Variants in CCDC191 observed in about 807,000 individuals in gnomAD.
CCDC191 encodes the protein coiled-coil domain-containing protein 191.
Under a neutral mutation model 114.0 loss-of-function variants are expected in CCDC191, and 99 were observed. That is an observed-to-expected ratio of 0.87 (90% confidence interval 0.74 to 1.03). The LOEUF (loss-of-function observed/expected upper bound fraction) is 1.03, where lower values mean the gene tolerates loss of function less well. CCDC191 is among the 50% of genes least tolerant of loss of function. The pLI is 0.00. For missense variants in CCDC191, 973 were observed against 1,087.0 expected (o/e 0.90, Z 1.47); for synonymous variants, 351 against 376.0 (o/e 0.93, Z 0.77).
intron 16 of CCDC191, among the ~76,000 whole-genome samples, chr3:113,969,098 G>A (rs960123464): frequency 3.9e-5 from 6 of 152,088 alleles, no homozygotes; most frequent in African/African-American, 9.7e-5. Flanking sequence ...CAGCTCTTCC[G>A]TAACTAATAG....
chr3:114,033,447 AAT>A (rs1372027440), intron 6 of CCDC191, among the ~76,000 whole-genome samples: 9 of 152,208 alleles, frequency 5.9e-5, no homozygotes, highest in Non-Finnish European at 1.0e-4. Context: ...CTAAGGCTGT[AAT>A]TCCTAGGTCA....
chr3:113,966,656 A>G lies in CCDC191; in HGVS notation c.2607-1297T>C, dbSNP rs1207163572. Reference sequence around the variant, plus strand: ...CGAAGTGCAGAGTAGTTAAGCTTATATTTTCACAACTATAGGCAGAGATGG... The same window carrying G: ...CGAAGTGCAGAGTAGTTAAGCTTATGTTTTCACAACTATAGGCAGAGATGG... On this transcript the variant is annotated intron_variant, in intron 16 of 16. Transcript: ENST00000295878. Among the ~76,000 whole-genome samples, 3 of 152,104 alleles carry G rather than the reference A, an allele frequency of 2.0e-5. No individual in the cohort carries two copies. The East Asian group carries it at 5.8e-4, about 29-fold the overall frequency.
chr3:113,964,150 C>A lies in CCDC191; in HGVS notation c.*1005G>T, dbSNP rs1939884246. 2 of 152,122 alleles carry A rather than the reference C, an allele frequency of 1.3e-5. No individual in the cohort carries two copies. The highest frequency in any genetic ancestry group is 2.9e-5 in the Non-Finnish European group (2 of 68,034). 9.4% of individuals were successfully genotyped at this position (152,122 alleles called of 1,614,324 possible). On this transcript the variant is annotated 3_prime_UTR_variant, in exon 17 of 17. Coordinates refer to ENST00000295878, the MANE Select transcript of CCDC191 (RefSeq NM_020817.2). The stretch of plus-strand genomic sequence containing the variant: ...GTAACAAGAACATTCACTTAAAAAA[C>A]CACAGAATTTTATTTTGTCAACTCA...
At chr3:114,002,413 A>G (rs2075871632) in intron 12 of CCDC191, 43 bp downstream of exon 12, 3 of 1,404,138 alleles carry the variant, frequency 2.1e-6, no homozygotes, top group Non-Finnish European at 3.0e-6. Flanking sequence ...AGACCTGGAC[A>G]AATCCTTCTT....
chr3:114,010,939 C>G lies in CCDC191; in HGVS notation c.1246G>C (p.Glu416Gln). Reference sequence around the variant, plus strand: ...AGAGCCAGCTCTCTCTTCAGGAGCTCGGCGCCATGCCAATGCTGCCATTCT... The same window carrying G: ...AGAGCCAGCTCTCTCTTCAGGAGCTGGGCGCCATGCCAATGCTGCCATTCT... ...FTEWQHWHGA[E>Q]LLKRELALTK... Residue 416 changes from glutamate to glutamine, a missense_variant, in exon 9 of 17, where the codon GAG becomes CAG. Physicochemically the swap from Glu to Gln is conservative, Grantham distance 29 (BLOSUM62 2). Coordinates refer to ENST00000295878, the MANE Select transcript of CCDC191 (RefSeq NM_020817.2). 6.2e-7 allele frequency: 1 copy of G among 1,614,036 alleles called. No homozygotes were observed. The highest frequency in any genetic ancestry group is 8.5e-7 in the Non-Finnish European group (1 of 1,179,922).
At chr3:114,003,485 G>A in intron 11 of CCDC191, 1 of 985,376 alleles carries the variant, frequency 1.0e-6, no homozygotes, top group Non-Finnish European at 1.2e-6. Flanking sequence ...AATAGACTAG[G>A]GGATTAAAGT....
intron 13 of CCDC191, among the ~76,000 whole-genome samples, chr3:113,982,759 C>T (rs541795260): frequency 2.0e-5 from 3 of 151,560 alleles, no homozygotes; most frequent in African/African-American, 4.8e-5. Context: ...GTGATTTATA[C>T]TCTGCTCTTC....
At chr3:114,052,123 A>G (rs2076705709) in intron 2 of CCDC191, among the ~76,000 whole-genome samples, 1 of 152,210 alleles carries the variant, frequency 6.6e-6, no homozygotes. Flanking sequence ...AACATTAGAT[A>G]TGAAAAAGAA....
chr3:113,978,714 T>C (rs2075025718), intron 15 of CCDC191, 144 bp downstream of exon 15: 4 of 867,220 alleles, frequency 4.6e-6, no homozygotes, highest in Non-Finnish European at 7.2e-6. Context: ...ATTTTCACAT[T>C]TATTTCAAAG....
Position 114,031,744 on chromosome 3 carries a change from C to A in CCDC191, c.854G>T (p.Ser285Ile), listed in dbSNP as rs1248813305. 3 of 1,499,298 alleles carry A rather than the reference C, an allele frequency of 2.0e-6. No individual in the cohort carries two copies. Among genetic ancestry groups the A allele is most frequent in the Middle Eastern group, 1.7e-4 (1 of 5,744 alleles). 92.9% of individuals were successfully genotyped at this position (1,499,298 alleles called of 1,614,324 possible). The stretch of plus-strand genomic sequence containing the variant: ...ACTTTGAAACATGACTTTTTCTGAA[C>A]TATTTTGAGAATTCTCTTCTTGCCT... ...KKRQEENSQN[S>I]SEKVMFQSTH... The change falls in exon 7 of 17, where the codon AGT becomes ATT. Residue 285 changes from serine (S) to isoleucine (I), a missense_variant. Ser to Ile is a moderately radical substitution (Grantham distance 142). Transcript: ENST00000295878.
At chr3:113,989,356 T>C (rs973558496) in intron 13 of CCDC191, among the ~76,000 whole-genome samples, 1 of 152,172 alleles carries the variant, frequency 6.6e-6, no homozygotes, top group Admixed American at 6.5e-5. Flanking sequence ...TATAGTACTA[T>C]ACATATTCTT....
intron 3 of CCDC191, among the ~76,000 whole-genome samples, chr3:114,045,707 G>C (rs1285640215): frequency 1.3e-5 from 2 of 152,098 alleles, no homozygotes; most frequent in Non-Finnish European, 2.9e-5. Flanking sequence ...GGAAGCTCCA[G>C]CCACATGGGT....
Position 114,046,709 on chromosome 3 carries a change from A to C in CCDC191, c.153T>G (p.Phe51Leu). ...TAGTAAAAAATGCATTTGACACTGC[A>C]AACTCTGAGGCTTTCTCCACTCTCT... ...WIKRVEKASE[F>L]AVSNAFFTRN... Residue 51 changes from phenylalanine to leucine, a missense_variant, in exon 3 of 17, where the codon TTT (phenylalanine) becomes TTG (leucine). Physicochemically the swap from Phe to Leu is conservative, Grantham distance 22 (BLOSUM62 0). Coordinates refer to ENST00000295878, the MANE Select transcript of CCDC191 (RefSeq NM_020817.2). 6.2e-7 allele frequency: 1 copy of C among 1,612,832 alleles called. No homozygotes were observed. Among genetic ancestry groups the C allele is most frequent in the Non-Finnish European group, 8.5e-7 (1 of 1,179,154 alleles).
rs1331056624 is a variant in CCDC191, at chr3:114,010,875, A to C, written c.1310T>G (p.Leu437Arg). 8.7e-6 allele frequency: 14 copies of C among 1,614,014 alleles called. No individual in the cohort carries two copies. The highest frequency in any genetic ancestry group is 1.3e-5 in the African/African-American group (1 of 74,944). The change falls in exon 9 of 17, where the codon CTG becomes CGG. Residue 437 changes from leucine to arginine, a missense_variant. By Grantham distance (102) the Leu-to-Arg change is moderately radical (BLOSUM62 -2). Transcript: ENST00000295878. ...EETRKKMDAL[L>R]QAASLGKLSA... is the part of the protein sequence containing the mutation. ...GAGTTTCCCCAGTGATGCTGCCTGC[A>C]GCAGTGCATCCATCTTCTTCCTAGT...
At chr3:114,010,722 A>G in intron 9 of CCDC191, 50 bp downstream of exon 9, 2 of 1,544,612 alleles carry the variant, frequency 1.3e-6, no homozygotes, top group Non-Finnish European at 1.8e-6. Flanking sequence ...CCAGCTATAA[A>G]AGCACAAACC....
At chr3:113,966,549 C>T (rs959955108) in intron 16 of CCDC191, among the ~76,000 whole-genome samples, 1 of 152,032 alleles carries the variant, frequency 6.6e-6, no homozygotes, top group Non-Finnish European at 1.5e-5. Flanking sequence ...AAAGGCTTTC[C>T]TAGAGGAGAG....
In CCDC191 at chr3:114,005,699, C is replaced by T. The variant is rs1464299379; in HGVS notation, c.1677G>A (p.Gln559=). The stretch of plus-strand genomic sequence containing the variant: ...TCTTTTGCTTCTCAATCAGCTGTTG[C>T]TGGAAGACATGGCGGTTGTGGAAAT... ...LGHFHNRHVF[Q]QQLIEKQKKK... Residue 559 remains glutamine (Q), a synonymous_variant, in exon 10 of 17, where the codon CAG becomes CAA. Coordinates refer to ENST00000295878, the MANE Select transcript of CCDC191 (RefSeq NM_020817.2). 2.5e-6 allele frequency: 4 copies of T among 1,614,022 alleles called. No individual in the cohort carries two copies. The African/African-American group carries it at 4.0e-5, about 16-fold the overall frequency.
intron 16 of CCDC191, among the ~76,000 whole-genome samples, chr3:113,967,194 C>T (rs1260042175): frequency 6.6e-6 from 1 of 152,180 alleles, no homozygotes; most frequent in Non-Finnish European, 1.5e-5. Context: ...TTACAGCTTC[C>T]TGTGCTCGGC....
rs967429503 is a variant in CCDC191 at position 114,018,828 on chromosome 3, A to G, written c.1013T>C (p.Leu338Pro). The part of the protein sequence containing the change: ...RYFAAWHKLI[L>P]DHRIKLGKAG... ...TTTCCCCAGCTTAATCCTATGATCAAGAATCAGCTTGTGCCAGGCAGCGAA... is the reference window on the plus strand; with the variant it reads ...TTTCCCCAGCTTAATCCTATGATCAGGAATCAGCTTGTGCCAGGCAGCGAA... Residue 338 changes from leucine (L) to proline (P), a missense_variant, in exon 8 of 17, where the codon CTT (leucine) becomes CCT (proline). Transcript: ENST00000295878. The G allele has an allele frequency of 6.2e-7, 1 of 1,613,754 alleles. No individual in the cohort carries two copies. Among genetic ancestry groups the G allele is most frequent in the Admixed American group, 1.7e-5 (1 of 59,976 alleles).
Sources: gnomAD v4.1 joint callset for allele counts (sites outside exome capture counted in the v4.1 genomes callset) on GRCh38, gnomAD v4.1.1 for gene constraint, MANE v1.5 for transcripts, NCBI Gene and HGNC (gene_info 2026-07-23, HGNC 2026-07-21) for gene names.